Variants in SMAP2 observed in about 807,000 individuals in gnomAD.
SMAP2 encodes small ArfGAP2.
Under a neutral mutation model 56.4 loss-of-function variants are expected in SMAP2, and 25 were observed. That is an observed-to-expected ratio of 0.44 (90% CI 0.32 to 0.62). The LOEUF (loss-of-function observed/expected upper bound fraction) is 0.62, where lower values mean the gene tolerates loss of function less well. Among genes scored for constraint, SMAP2 ranks in the 20% least tolerant of loss-of-function variants. The pLI, the probability that SMAP2 is intolerant of heterozygous loss-of-function variation, is 0.04. For missense variants in SMAP2, 388 were observed against 545.6 expected (o/e 0.71, Z 2.88); for synonymous variants, 157 against 181.7 (o/e 0.86, Z 1.09).
chr1:40,409,837 T>C lies in SMAP2; in HGVS notation c.402+2T>C. ...AGTCTGGACATCAATGCCTTTAGGG[T>C]TGGTTATACATCTTTCAAGTTTTGT... On this transcript the variant is annotated splice_donor_variant, in intron 4 of 9. Coordinates refer to ENST00000372718, the MANE Select transcript of SMAP2 (RefSeq NM_022733.3). LOFTEE classifies it high-confidence loss of function. 1 of 1,596,774 alleles carries C rather than the reference T, an allele frequency of 6.3e-7. No homozygotes were observed. Among genetic ancestry groups the C allele is most frequent in the Non-Finnish European group, 8.6e-7 (1 of 1,164,300 alleles).
chr1:40,361,643 C>T (rs1219760522), intron 1 of SMAP2, among the ~76,000 whole-genome samples: 1 of 152,150 alleles, frequency 6.6e-6, no homozygotes, highest in Non-Finnish European at 1.5e-5. Context: ...TCACCACAAG[C>T]TGACCAAAGA....
At chr1:40,390,255 T>TGTTTGGATGTG (rs1185190535) in intron 1 of SMAP2, among the ~76,000 whole-genome samples, 1 of 152,210 alleles carries the variant, frequency 6.6e-6, no homozygotes, top group East Asian at 1.9e-4. Flanking sequence ...CTTTCTAGCT[T>TGTTTGGATGTG]GTTTGGATGT....
chr1:40,413,031 A>C lies in SMAP2; in HGVS notation c.418A>C (p.Lys140Gln). The C allele has an allele frequency of 6.2e-7, 1 of 1,611,238 alleles. No homozygotes were observed. Among genetic ancestry groups the C allele is most frequent in the Non-Finnish European group, 8.5e-7 (1 of 1,178,992 alleles). Residue 140 changes from lysine (K) to glutamine (Q), a missense_variant, in exon 5 of 10, where the codon AAG becomes CAG. Physicochemically the swap from Lys to Gln is moderately conservative, Grantham distance 53. Coordinates refer to ENST00000372718, the MANE Select transcript of SMAP2 (RefSeq NM_022733.3). ...INAFRKEKDD[K>Q]WKRGSEPVPE... Reference sequence around the variant, plus strand: ...ATCATTATAGAAAGAAAAAGATGACAAGTGGAAAAGAGGGAGCGAACCAGT... The same window carrying C: ...ATCATTATAGAAAGAAAAAGATGACCAGTGGAAAAGAGGGAGCGAACCAGT...
chr1:40,417,562 C>T (rs893865870), intron 9 of SMAP2, among the ~76,000 whole-genome samples: 1 of 152,124 alleles, frequency 6.6e-6, no homozygotes, highest in Non-Finnish European at 1.5e-5. Flanking sequence ...AGTAACCCCC[C>T]AGAAGGAGAA....
chr1:40,408,791 A>G lies in SMAP2; in HGVS notation c.323+53A>G. 5.6e-6 allele frequency: 8 copies of G among 1,433,390 alleles called. No individual in the cohort carries two copies. Among genetic ancestry groups the G allele is most frequent in the Non-Finnish European group, 7.9e-6 (8 of 1,016,528 alleles). The allele number at this position is 1,433,390 out of a possible 1,614,324, so 88.8% of individuals were successfully genotyped here. A position where few individuals can be genotyped will look rare whatever the true frequency, so the allele number is the denominator to read the frequency against. On this transcript the variant is annotated intron_variant, in intron 3 of 9. Coordinates refer to ENST00000372718, the MANE Select transcript of SMAP2 (RefSeq NM_022733.3). The surrounding 1 kb of genome is among the most constrained non-coding windows in gnomAD (Gnocchi z 4.3). ...CTGAGTGGTATTTTGATGCTTGGGG[A>G]GAGTCAGACAAGACTCCAGTCCTGT... is the stretch of plus-strand genomic sequence containing the variant.
chr1:40,361,613 A>G (rs1278508905), intron 1 of SMAP2, among the ~76,000 whole-genome samples: 1 of 152,074 alleles, frequency 6.6e-6, no homozygotes, highest in African/African-American at 2.4e-5. Flanking sequence ...CTGAAGGGAG[A>G]GTCCCACACC....
At chr1:40,396,825 G>T in intron 1 of SMAP2, 2 of 985,070 alleles carry the variant, frequency 2.0e-6, no homozygotes, top group Non-Finnish European at 1.2e-6. Context: ...GATCCCACTG[G>T]TGTTTCTGTG....
rs113152194 is a variant in SMAP2 at position 40,376,238 on chromosome 1, A to G, written c.103+2015A>G. On this transcript the variant is annotated intron_variant, in intron 1 of 9. Coordinates refer to ENST00000372718, the MANE Select transcript of SMAP2 (RefSeq NM_022733.3). Reference sequence around the variant, plus strand: ...AGTGCTGGGATTACAGGTGTGAGCCACCATGCCCAGCCCGAAATTTCCGTT... The same window carrying G: ...AGTGCTGGGATTACAGGTGTGAGCCGCCATGCCCAGCCCGAAATTTCCGTT... Among the ~76,000 whole-genome samples the G allele has an allele frequency of 4.4e-3, 664 of 152,356 alleles. 8 individuals carry two copies. The highest frequency in any genetic ancestry group is 0.014 in the African/African-American group (587 of 41,580).
At chr1:40,416,054 C>T (rs1432062048) in intron 7 of SMAP2, 122 bp from the exon 8 acceptor site, 18 of 885,508 alleles carry the variant, frequency 2.0e-5, no homozygotes, top group Non-Finnish European at 3.2e-5. Context: ...TGTTAGGAAG[C>T]TATTAACTTG....
chr1:40,410,295 C>T (rs1408428537), intron 4 of SMAP2, among the ~76,000 whole-genome samples: 1 of 151,880 alleles, frequency 6.6e-6, no homozygotes, highest in African/African-American at 2.4e-5. Flanking sequence ...TGAGTCAAGA[C>T]CATGAGGCAG....
chr1:40,403,623 AACCTTATTCTAT>A (rs1421547863), intron 1 of SMAP2: 322 of 984,362 alleles, frequency 3.3e-4, no homozygotes, highest in Non-Finnish European at 3.6e-4. Context: ...GGGTTCTGGA[AACCTTATTCTAT>A]ACCACATCCT....
At chr1:40,348,820 G>C (rs1044926160) in intron 1 of SMAP2, among the ~76,000 whole-genome samples, 1 of 151,774 alleles carries the variant, frequency 6.6e-6, no homozygotes, top group African/African-American at 2.4e-5. Flanking sequence ...GCCTAGGCTG[G>C]AGTATAGAGG....
At chr1:40,417,926 G>A (rs1420011784) in intron 9 of SMAP2, among the ~76,000 whole-genome samples, 1 of 152,090 alleles carries the variant, frequency 6.6e-6, no homozygotes, top group Non-Finnish European at 1.5e-5. Flanking sequence ...ATTGCTGATT[G>A]AGAAAAAATA....
intron 1 of SMAP2, among the ~76,000 whole-genome samples, chr1:40,345,389 GAA>G (rs1218776293): frequency 1.1e-4 from 16 of 139,186 alleles, no homozygotes; most frequent in African/African-American, 3.8e-4. Context: ...TGTCTCTAAG[GAA>G]AAAAAAAAAA....
intron 1 of SMAP2, among the ~76,000 whole-genome samples, chr1:40,378,147 CGGGGTCT>C: frequency 6.6e-6 from 1 of 151,866 alleles, no homozygotes; most frequent in South Asian, 2.1e-4. Context: ...TTTTTAGAGA[CGGGGTCT>C]TGCTCTGCCA....
intron 2 of SMAP2, 116 bp downstream of exon 2, chr1:40,406,985 A>ACACTTAACATCAGATTCTTGTACC (rs1391417103): frequency 4.6e-6 from 5 of 1,091,896 alleles, no homozygotes; most frequent in Non-Finnish European, 6.5e-6. Context: ...TAGTTGTTAA[A>ACACTTAACATCAGATTCTTGTACC]CACTTAACAT....
At chr1:40,382,005 ATGTGTGCTCC>A (rs1185423761) in intron 1 of SMAP2, among the ~76,000 whole-genome samples, 1 of 152,142 alleles carries the variant, frequency 6.6e-6, no homozygotes, top group African/African-American at 2.4e-5. Context: ...GGAATACCTG[ATGTGTGCTCC>A]TGGTTGCTCA....
At position 40,408,230 on chromosome 1, in the gene SMAP2, G is replaced by A. The variant is rs1644903841; in HGVS notation, c.238-423G>A. 6.6e-6 allele frequency among the ~76,000 whole-genome samples: 1 copy of A among 152,202 alleles called. No homozygotes were observed. Among genetic ancestry groups the A allele is most frequent in the Non-Finnish European group, 1.5e-5 (1 of 68,036 alleles). On this transcript the variant is annotated intron_variant, in intron 2 of 9. Coordinates refer to ENST00000372718, the MANE Select transcript of SMAP2 (RefSeq NM_022733.3). The surrounding 1 kb of genome is among the most constrained non-coding windows in gnomAD (Gnocchi z 4.3). Reference sequence around the variant, plus strand: ...AGCTCTTGGGATTTATCCCTCACAAGTGTTAAGGAGTCTACTTAAAAGCCT... The same window carrying A: ...AGCTCTTGGGATTTATCCCTCACAAATGTTAAGGAGTCTACTTAAAAGCCT...
intron 9 of SMAP2, among the ~76,000 whole-genome samples, chr1:40,421,698 C>T (rs1192735910): frequency 6.6e-6 from 1 of 152,184 alleles, no homozygotes; most frequent in Non-Finnish European, 1.5e-5. Context: ...AAGAGAGGAA[C>T]TCATGCTGAT....
Sources: gnomAD v4.1 joint callset for allele counts (sites outside exome capture counted in the v4.1 genomes callset) on GRCh38, gnomAD v4.1.1 for gene constraint, Gnocchi (gnomAD v3.1) non-coding constraint, MANE v1.5 for transcripts, NCBI Gene and HGNC (gene_info 2026-07-23, HGNC 2026-07-21) for gene names.